Variants in GLI2 observed in about 807,000 individuals in gnomAD.
The protein encoded by GLI2 is transcription activator GLI2.
A neutral mutation model predicts 78.9 loss-of-function variants in GLI2; 22 were observed. The ratio of observed to expected loss-of-function variants is 0.28; its 90% CI spans 0.20 to 0.40. The LOEUF (loss-of-function observed/expected upper bound fraction) is 0.40. Ranked by LOEUF, GLI2 falls within the 10% of genes least tolerant of loss-of-function variation. The pLI is 1.00. For missense variants in GLI2, 2,097 were observed against 2,213.2 expected (o/e 0.95, Z 1.05); for synonymous variants, 974 against 963.7 (o/e 1.01, Z -0.20).
intron 1 of GLI2, among the ~76,000 whole-genome samples, chr2:120,768,805 G>A (rs1169031686): frequency 6.8e-6 from 1 of 147,708 alleles, no homozygotes; most frequent in Admixed American, 6.6e-5. Context: ...GCCCCTGTGT[G>A]TGTGTGTGTG....
chr2:120,745,123 G>T (rs56287591), intron 1 of GLI2, among the ~76,000 whole-genome samples: 29,725 of 152,140 alleles, frequency 0.2, 3,488 homozygotes, highest in Non-Finnish European at 0.27. Context: ...CAGTAGCTGA[G>T]ACTATAAGGT....
chr2:120,749,919 A>G (rs1391236579), intron 1 of GLI2, among the ~76,000 whole-genome samples: 1 of 152,206 alleles, frequency 6.6e-6, no homozygotes, highest in Non-Finnish European at 1.5e-5. Flanking sequence ...AGTCAGTATT[A>G]TCACTAGCAT....
At chr2:120,910,832 T>C (rs999021355) in intron 2 of GLI2, among the ~76,000 whole-genome samples, 6 of 152,244 alleles carry the variant, frequency 3.9e-5, no homozygotes, top group African/African-American at 1.4e-4. Context: ...GGGCAGCACT[T>C]AGATGCCGCT....
intron 3 of GLI2, among the ~76,000 whole-genome samples, chr2:120,949,530 G>A (rs149662872): frequency 6.6e-6 from 1 of 152,384 alleles, no homozygotes; most frequent in Non-Finnish European, 1.5e-5. Flanking sequence ...GCACCCTTGG[G>A]GAGCAGAGAG....
chr2:120,898,216 A>ACACACACACACACAC (rs1558867030), intron 2 of GLI2, among the ~76,000 whole-genome samples: 3 of 151,084 alleles, frequency 2.0e-5, no homozygotes, highest in African/African-American at 4.9e-5. Flanking sequence ...ACACACACAC[A>ACACACACACACACAC]AAATGATTGT....
intron 2 of GLI2, among the ~76,000 whole-genome samples, chr2:120,876,584 G>A (rs1227520540): frequency 6.6e-6 from 1 of 152,022 alleles, no homozygotes; most frequent in African/African-American, 2.4e-5. Context: ...CAGACAAGTA[G>A]GGGATGGCAG....
intron 9 of GLI2, among the ~76,000 whole-genome samples, 195 bp downstream of exon 9, chr2:120,975,304 T>C (rs1389574145): frequency 6.6e-6 from 1 of 152,158 alleles, no homozygotes; most frequent in East Asian, 1.9e-4. Flanking sequence ...TGGCTTCCAA[T>C]ACATATGTAA....
At chr2:120,876,503 T>C (rs1042171079) in intron 2 of GLI2, among the ~76,000 whole-genome samples, 1 of 152,038 alleles carries the variant, frequency 6.6e-6, no homozygotes, top group Non-Finnish European at 1.5e-5. Flanking sequence ...CGAAGATAAA[T>C]GAGATCAAAT....
intron 2 of GLI2, among the ~76,000 whole-genome samples, chr2:120,925,134 C>T (rs1161025187): frequency 6.6e-6 from 1 of 152,190 alleles, no homozygotes; most frequent in East Asian, 1.9e-4. Context: ...AGGGCCAGGG[C>T]CTCAGAGAAA....
intron 2 of GLI2, among the ~76,000 whole-genome samples, chr2:120,801,218 A>C (rs1035622508): frequency 1.3e-5 from 2 of 152,184 alleles, no homozygotes; most frequent in Non-Finnish European, 2.9e-5. Flanking sequence ...AGCTCACTGC[A>C]ACCTCTGCCT....
intron 1 of GLI2, among the ~76,000 whole-genome samples, chr2:120,765,047 A>T (rs1221631720): frequency 6.6e-6 from 1 of 152,096 alleles, no homozygotes; most frequent in Non-Finnish European, 1.5e-5. Context: ...GGTGAGCGCC[A>T]CCTTAGTTCC....
chr2:120,955,485 C>G (rs954853319), intron 5 of GLI2, 55 bp downstream of exon 5: 7 of 1,167,582 alleles, frequency 6.0e-6, no homozygotes, highest in Non-Finnish European at 8.4e-6. Context: ...CCTCTTGAGG[C>G]TGAGAAGGTC....
At chr2:120,872,574 A>G (rs970786254) in intron 2 of GLI2, among the ~76,000 whole-genome samples, 3 of 152,326 alleles carry the variant, frequency 2.0e-5, no homozygotes, top group East Asian at 3.9e-4. Flanking sequence ...GCCCTGCTCC[A>G]TGGCTGGAAG....
At chr2:120,772,946 T>C (rs1332101388) in intron 1 of GLI2, among the ~76,000 whole-genome samples, 1 of 152,198 alleles carries the variant, frequency 6.6e-6, no homozygotes, top group Non-Finnish European at 1.5e-5. Flanking sequence ...TTCCCTCCCC[T>C]CTCCTTGATA....
intron 2 of GLI2, among the ~76,000 whole-genome samples, chr2:120,904,790 C>A (rs34926896): frequency 0.28 from 42,158 of 152,050 alleles, 6,151 homozygotes; most frequent in South Asian, 0.47. Flanking sequence ...CCAGAGCCTG[C>A]GATCTACCAA....
At position 120,767,299 on chromosome 2, in the gene GLI2, G is replaced by A. The variant is rs963771931; in HGVS notation, c.-30-29992G>A. Among the ~76,000 whole-genome samples the A allele has an allele frequency of 2.6e-5, 4 of 151,862 alleles. No individual in the cohort carries two copies. In the East Asian group the frequency reaches 7.8e-4, roughly 30 times the overall value. ...CAAGGGTACAGCTGAGTGAGAGGCCGGGCTCTTGGATGTGCTGAGCAGGGT... is the reference window on the plus strand; with the variant it reads ...CAAGGGTACAGCTGAGTGAGAGGCCAGGCTCTTGGATGTGCTGAGCAGGGT... On this transcript the variant is annotated intron_variant, in intron 1 of 13. Transcript: ENST00000361492.
intron 1 of GLI2, among the ~76,000 whole-genome samples, chr2:120,781,240 TGCGG>T (rs1379705559): frequency 6.6e-6 from 1 of 151,994 alleles, no homozygotes; most frequent in African/African-American, 2.4e-5. Context: ...GTCCTTTGAG[TGCGG>T]GGGGATGAGG....
At chr2:120,821,871 G>A (rs1349482511) in intron 2 of GLI2, among the ~76,000 whole-genome samples, 3 of 152,154 alleles carry the variant, frequency 2.0e-5, no homozygotes, top group Non-Finnish European at 4.4e-5. Flanking sequence ...GGGTCACACC[G>A]AGCCTCCTTT....
intron 1 of GLI2, among the ~76,000 whole-genome samples, chr2:120,748,853 C>CTCCATCCATCCA (rs71671803): frequency 1.3e-5 from 2 of 150,488 alleles, no homozygotes; most frequent in East Asian, 2.0e-4. Context: ...ATCTTGCATT[C>CTCCATCCATCCA]TCCATCCATC....
Sources: allele counts gnomAD v4.1 joint callset (sites outside exome capture counted in the v4.1 genomes callset), GRCh38; gene constraint gnomAD v4.1.1; transcripts MANE v1.5; gene names NCBI Gene and HGNC (gene_info 2026-07-23, HGNC 2026-07-21).